DBH: variants seen among roughly 807,000 people sequenced by gnomAD.
The protein encoded by DBH is dopamine beta-hydroxylase (dopamine beta-monooxygenase).
A neutral mutation model predicts 64.0 loss-of-function variants in DBH; 49 were observed. The observed-to-expected ratio is 0.77, with a 90% CI of 0.61 to 0.97. The LOEUF (loss-of-function observed/expected upper bound fraction) is 0.97. DBH is among the 50% of genes least tolerant of loss of function. The pLI is 0.00. For synonymous variants in DBH, 343 were observed against 347.1 expected, an observed-to-expected ratio of 0.99 and a Z score of 0.13; for missense variants, 828 against 826.6, an observed-to-expected ratio of 1.00 and a Z score of -0.02.
rs200430427 is a variant in DBH, at chr9:133,642,334, C to T, written c.614C>T (p.Pro205Leu). ...CTCCTGAAGCCCAATATCCCCGAAC[C>T]GGAGTTGCCCTCAGACGCGTGCACC... is the stretch of plus-strand genomic sequence containing the variant. ...VQLLKPNIPE[P>L]ELPSDACTME... The change falls in exon 3 of 12, where the codon CCG becomes CTG. Residue 205 changes from proline to leucine, a missense_variant. Coordinates refer to ENST00000393056, the MANE Select transcript of DBH (RefSeq NM_000787.4). 5.0e-5 allele frequency: 80 copies of T among 1,614,186 alleles called. 1 individual carries two copies. Among genetic ancestry groups the T allele is most frequent in the Admixed American group, 1.2e-4 (7 of 60,030 alleles).
rs1371701186 is a variant in DBH at position 133,651,931 on chromosome 9, TC to T, written c.1335+158del. On this transcript the variant is annotated intron_variant, in intron 7 of 11. Transcript: ENST00000393056. ...CGCCCCCCACCCATGTGGCCTGTGC[TC>T]CCCACTTGGGTGTCTGGTGTCTGAT... Among the ~76,000 whole-genome samples, 8 of 150,826 alleles carry T rather than the reference TC, an allele frequency of 5.3e-5. 1 individual carries two copies. The highest frequency in any genetic ancestry group is 2.0e-4 in the African/African-American group (8 of 40,456).
chr9:133,645,686 G>A (rs1211800077), intron 5 of DBH, among the ~76,000 whole-genome samples: 2 of 152,152 alleles, frequency 1.3e-5, no homozygotes, highest in African/African-American at 4.8e-5. Flanking sequence ...GGCAAGAGGA[G>A]TTGTTTTGGC....
intron 9 of DBH, chr9:133,655,070 C>G (rs1832298571): frequency 6.6e-6 from 1 of 152,378 alleles, no homozygotes. Context: ...CTGGTGAGCA[C>G]CGCGGACATC....
At position 133,656,521 on chromosome 9, in the gene DBH, A is replaced by AG. The variant is rs751730130; in HGVS notation, c.1439dup. On this transcript the variant is annotated splice_acceptor_variant, in intron 9 of 11. Transcript: ENST00000393056. LOFTEE classifies it high-confidence loss of function. The stretch of plus-strand genomic sequence containing the variant: ...GGCTGACGGGTCTCCTCCAACTTGC[A>AG]GGGGGGCTTCGGGATCCTGGAGGAG... 5.0e-6 allele frequency: 8 copies of AG among 1,613,640 alleles called. No homozygotes were observed. The highest frequency in any genetic ancestry group is 1.1e-5 in the South Asian group (1 of 91,076).
In DBH at chr9:133,657,136, C is replaced by T; in HGVS notation, c.1629C>T (p.Pro543=). The change falls in exon 11 of 12, where the codon CCC becomes CCT. Residue 543 remains proline (P), a synonymous_variant. Transcript: ENST00000393056. ...TGTCTCAGCAGTTCACCTCTGTTCC[C>T]TGGAACTCCTTCAACCGCGACGTAC... ...ASVSQQFTSV[P]WNSFNRDVLK... 6.2e-7 allele frequency: 1 copy of T among 1,614,122 alleles called. No individual in the cohort carries two copies. The highest frequency in any genetic ancestry group is 8.5e-7 in the Non-Finnish European group (1 of 1,180,018).
intron 1 of DBH, among the ~76,000 whole-genome samples, chr9:133,639,123 T>C (rs946647958): frequency 6.6e-6 from 1 of 150,866 alleles, no homozygotes; most frequent in Non-Finnish European, 1.5e-5. Context: ...CTGGGTGTGG[T>C]GGCTCATGCC....
At chr9:133,642,072 G>A in intron 2 of DBH, 135 bp from the exon 3 acceptor site, 1 of 1,260,412 alleles carries the variant, frequency 7.9e-7, no homozygotes, top group Non-Finnish European at 1.1e-6. Flanking sequence ...AAGCCTCAAG[G>A]GTCCCTTATT....
intron 1 of DBH, 113 bp from the exon 2 acceptor site, chr9:133,639,733 T>A (rs1381396156): frequency 8.4e-7 from 1 of 1,184,036 alleles, no homozygotes; most frequent in Non-Finnish European, 1.2e-6. Flanking sequence ...AGGCCCAGCA[T>A]CCCCAGATCA....
chr9:133,652,813 G>A (rs1252593244), intron 8 of DBH, 127 bp from the exon 9 acceptor site: 2 of 728,906 alleles, frequency 2.7e-6, no homozygotes, highest in Non-Finnish European at 5.0e-6. Flanking sequence ...TCCTTGTAGT[G>A]GACGACAGGG....
intron 2 of DBH, among the ~76,000 whole-genome samples, chr9:133,641,682 T>C (rs1040138427): frequency 7.9e-5 from 12 of 152,210 alleles, no homozygotes; most frequent in African/African-American, 2.9e-4. Flanking sequence ...CGTAGATCCA[T>C]GGAGCTTTCT....
At chr9:133,655,618 G>C (rs1483059972) in intron 9 of DBH, 1 of 152,378 alleles carries the variant, frequency 6.6e-6, no homozygotes, top group Admixed American at 6.5e-5. Context: ...CAGTCCCTTT[G>C]TTCTGCCATA....
At chr9:133,642,904 A>G (rs555663410) in intron 3 of DBH, among the ~76,000 whole-genome samples, 1 of 152,224 alleles carries the variant, frequency 6.6e-6, no homozygotes, top group South Asian at 2.1e-4. Context: ...GGGCGAGGTG[A>G]TCCCTCCTTC....
intron 5 of DBH, among the ~76,000 whole-genome samples, chr9:133,645,745 G>C (rs187307268): frequency 1.3e-5 from 2 of 152,240 alleles, no homozygotes; most frequent in Non-Finnish European, 2.9e-5. Flanking sequence ...CCCTGGAAGT[G>C]CCCTGCACCC....
intron 1 of DBH, among the ~76,000 whole-genome samples, chr9:133,639,378 T>C (rs1832089908): frequency 6.6e-6 from 1 of 152,216 alleles, no homozygotes; most frequent in Non-Finnish European, 1.5e-5. Context: ...TTCCTGTTCA[T>C]GTCCCACCCT....
rs890042493 is a variant in DBH at position 133,657,192 on chromosome 9, C to T, written c.1685C>T (p.Ser562Phe). 3 of 1,614,038 alleles carry T rather than the reference C, an allele frequency of 1.9e-6. No homozygotes were observed. The highest frequency in any genetic ancestry group is 2.7e-5 in the African/African-American group (2 of 74,934). Residue 562 changes from serine to phenylalanine, a missense_variant, in exon 11 of 12, where the codon TCC becomes TTC. Coordinates refer to ENST00000393056, the MANE Select transcript of DBH (RefSeq NM_000787.4). ...GCCCTGTACAGCTTCGCGCCCATCT[C>T]CATGCACTGCAACAAGTCCTCAGCC... is the stretch of plus-strand genomic sequence containing the variant. ...LKALYSFAPI[S>F]MHCNKSSAVR...
chr9:133,650,509 TTTCCTTCC>T (rs143162172), intron 6 of DBH, among the ~76,000 whole-genome samples: 1 of 147,950 alleles, frequency 6.8e-6, no homozygotes, highest in Non-Finnish European at 1.5e-5. Context: ...CCTTTCTTTC[TTTCCTTCC>T]TTCCTTCCTT....
chr9:133,646,187 C>T (rs1832179029), intron 5 of DBH, among the ~76,000 whole-genome samples: 1 of 151,758 alleles, frequency 6.6e-6, no homozygotes, highest in Non-Finnish European at 1.5e-5. Context: ...TGTTTTTTTA[C>T]TTAAACTTCA....
At chr9:133,653,427 C>G (rs1402907898) in intron 9 of DBH, among the ~76,000 whole-genome samples, 3 of 152,128 alleles carry the variant, frequency 2.0e-5, no homozygotes, top group Non-Finnish European at 2.9e-5. Flanking sequence ...CTGCTAACAA[C>G]AAGCAAAATT....
intron 5 of DBH, among the ~76,000 whole-genome samples, chr9:133,647,225 G>T (rs1398343180): frequency 6.6e-6 from 1 of 152,202 alleles, no homozygotes; most frequent in Non-Finnish European, 1.5e-5. Flanking sequence ...AAAAGTGGGG[G>T]CTGCTGGGAG....
Sources: gnomAD v4.1 joint callset for allele counts (sites outside exome capture counted in the v4.1 genomes callset) on GRCh38, gnomAD v4.1.1 for gene constraint, MANE v1.5 for transcripts, NCBI Gene and HGNC (gene_info 2026-07-23, HGNC 2026-07-21) for gene names.